MAN2A1: variants seen among roughly 807,000 people sequenced by gnomAD.
MAN2A1 encodes mannosidase alpha class 2A member 1.
MAN2A1 carries 76 observed loss-of-function variants against 142.6 expected under a neutral mutation model. The observed-to-expected ratio is 0.53, with a 90% confidence interval of 0.44 to 0.65. The LOEUF is 0.65. Among genes scored for constraint, MAN2A1 ranks in the 30% least tolerant of loss-of-function variants. The pLI is 0.00. For missense variants in MAN2A1, 1,311 were observed against 1,365.1 expected (o/e 0.96, Z 0.62); for synonymous variants, 559 against 473.2 (o/e 1.18, Z -2.35).
intron 19 of MAN2A1, among the ~76,000 whole-genome samples, chr5:109,852,159 A>T (rs1172743703): frequency 6.7e-6 from 1 of 148,536 alleles, no homozygotes; most frequent in Non-Finnish European, 1.5e-5. Flanking sequence ...AAAAAAAAAC[A>T]TTTTAATACC....
chr5:109,751,893 T>G (rs1398958214), intron 4 of MAN2A1, among the ~76,000 whole-genome samples: 1 of 152,176 alleles, frequency 6.6e-6, no homozygotes, highest in African/African-American at 2.4e-5. Context: ...TTTTCTCTTT[T>G]GTTAATAGTT....
At chr5:109,853,133 C>G (rs577148790) in intron 19 of MAN2A1, among the ~76,000 whole-genome samples, 1 of 152,276 alleles carries the variant, frequency 6.6e-6, no homozygotes, top group South Asian at 2.1e-4. Context: ...GTCTTTGAAA[C>G]TGAATCTTGT....
At chr5:109,809,266 CTTA>C (rs201021063) in intron 12 of MAN2A1, among the ~76,000 whole-genome samples, 2 of 152,042 alleles carry the variant, frequency 1.3e-5, no homozygotes, top group African/African-American at 4.8e-5. Flanking sequence ...GCATAGATGA[CTTA>C]TTATAGTTTA....
At chr5:109,740,331 C>T (rs913337908) in intron 4 of MAN2A1, among the ~76,000 whole-genome samples, 5 of 152,202 alleles carry the variant, frequency 3.3e-5, no homozygotes, top group African/African-American at 1.2e-4. Context: ...AGTGCCCCAT[C>T]TATGAAAGGT....
At chr5:109,858,261 A>G (rs944985986) in intron 20 of MAN2A1, among the ~76,000 whole-genome samples, 3 of 152,232 alleles carry the variant, frequency 2.0e-5, no homozygotes, top group Non-Finnish European at 2.9e-5. Flanking sequence ...ACATATTTAT[A>G]ACAGTTGTTT....
chr5:109,771,270 C>T (rs2112652060), intron 7 of MAN2A1, among the ~76,000 whole-genome samples: 1 of 152,126 alleles, frequency 6.6e-6, no homozygotes, highest in East Asian at 1.9e-4. Flanking sequence ...ACACTAAACT[C>T]TGCTAGGAAA....
intron 15 of MAN2A1, among the ~76,000 whole-genome samples, chr5:109,821,232 A>G (rs1228919900): frequency 6.6e-6 from 1 of 151,958 alleles, no homozygotes. Flanking sequence ...GCATGTACAT[A>G]TTTTGTTTTT....
chr5:109,766,517 C>T (rs922654505), intron 5 of MAN2A1, among the ~76,000 whole-genome samples: 1 of 152,018 alleles, frequency 6.6e-6, no homozygotes, highest in East Asian at 1.9e-4. Context: ...TGTCTATGTT[C>T]TTCTTTAGTG....
chr5:109,844,908 T>C (rs1026766061), intron 17 of MAN2A1, among the ~76,000 whole-genome samples: 1 of 152,190 alleles, frequency 6.6e-6, no homozygotes, highest in Non-Finnish European at 1.5e-5. Context: ...AAGATCACAT[T>C]CATGGGTTGT....
intron 19 of MAN2A1, among the ~76,000 whole-genome samples, chr5:109,850,142 C>T (rs1755447646): frequency 6.6e-6 from 1 of 152,184 alleles, no homozygotes. Flanking sequence ...ACCATAAACT[C>T]CATGAGAGTG....
At chr5:109,799,854 G>A (rs1281255418) in intron 12 of MAN2A1, among the ~76,000 whole-genome samples, 1 of 151,420 alleles carries the variant, frequency 6.6e-6, no homozygotes. Context: ...TTGGGAGGCC[G>A]AGGTGGGTGG....
intron 15 of MAN2A1, among the ~76,000 whole-genome samples, chr5:109,822,363 T>C (rs1391134659): frequency 6.6e-6 from 1 of 152,158 alleles, no homozygotes; most frequent in Admixed American, 6.5e-5. Flanking sequence ...TAGAATTTCA[T>C]GCGTAGATAC....
intron 12 of MAN2A1, among the ~76,000 whole-genome samples, chr5:109,812,425 A>T (rs1561524512): frequency 1.3e-5 from 2 of 152,172 alleles, no homozygotes; most frequent in Non-Finnish European, 2.9e-5. Context: ...AACCTAGAAA[A>T]CAAAATGGTA....
intron 19 of MAN2A1, among the ~76,000 whole-genome samples, chr5:109,851,101 C>T (rs1050363678): frequency 3.9e-5 from 6 of 152,174 alleles, no homozygotes; most frequent in African/African-American, 1.4e-4. Flanking sequence ...CTGAGCATGA[C>T]AGAGCCTCAT....
chr5:109,849,210 A>G (rs1199710118), intron 19 of MAN2A1, among the ~76,000 whole-genome samples: 3 of 152,024 alleles, frequency 2.0e-5, no homozygotes, highest in East Asian at 3.9e-4. Flanking sequence ...CTTATTTTTT[A>G]TGCTATCCCT....
intron 10 of MAN2A1, among the ~76,000 whole-genome samples, chr5:109,788,135 G>A (rs528749534): frequency 2.6e-5 from 4 of 151,092 alleles, no homozygotes; most frequent in East Asian, 3.9e-4. Flanking sequence ...CGTGATTAGC[G>A]AGGAGTTTCT....
chr5:109,805,058 A>G (rs1015268863), intron 12 of MAN2A1, among the ~76,000 whole-genome samples: 1 of 152,170 alleles, frequency 6.6e-6, no homozygotes, highest in African/African-American at 2.4e-5. Flanking sequence ...CTGTCTTTTC[A>G]GAAAATGGCT....
intron 7 of MAN2A1, among the ~76,000 whole-genome samples, chr5:109,770,950 AATT>A (rs1208712826): frequency 6.6e-6 from 1 of 152,216 alleles, no homozygotes; most frequent in Non-Finnish European, 1.5e-5. Context: ...TAAAGAGTGT[AATT>A]ATCTGTTCCC....
chr5:109,866,449 A>G (rs190639511), intron 21 of MAN2A1, among the ~76,000 whole-genome samples: 96 of 152,220 alleles, frequency 6.3e-4, no homozygotes, highest in African/African-American at 1.8e-3. Context: ...GTATTGACTA[A>G]AAGAGAATGA....
Sources: allele counts gnomAD v4.1 joint callset (sites outside exome capture counted in the v4.1 genomes callset), GRCh38; gene constraint gnomAD v4.1.1; transcripts MANE v1.5; gene names NCBI Gene and HGNC (gene_info 2026-07-23, HGNC 2026-07-21).